RABL6: variants seen among roughly 807,000 people sequenced by gnomAD.
RABL6 encodes rab-like protein 6.
RABL6 carries 28 observed loss-of-function variants against 72.9 expected under a neutral mutation model. The observed-to-expected ratio is 0.38, with a 90% CI of 0.28 to 0.53. The LOEUF is 0.53. Ranked by LOEUF, RABL6 falls within the 20% of genes least tolerant of loss-of-function variation. The pLI is 0.80. For synonymous variants in RABL6, 477 were observed against 421.2 expected, an observed-to-expected ratio of 1.13 and a Z score of -1.62; for missense variants, 1,029 against 1,008.4, an observed-to-expected ratio of 1.02 and a Z score of -0.28.
chr9:136,836,950 C>T (rs551713543), intron 8 of RABL6: 44 of 361,364 alleles, frequency 1.2e-4, no homozygotes, highest in Admixed American at 5.1e-4. Context: ...CTCGGCTCAC[C>T]GCAAGCTCCG....
intron 1 of RABL6, chr9:136,808,726 C>T (rs563649976): frequency 6.5e-6 from 1 of 153,376 alleles, no homozygotes; most frequent in African/African-American, 2.4e-5. Flanking sequence ...GCACCACTCA[C>T]CTGCAGGAGG....
intron 10 of RABL6, among the ~76,000 whole-genome samples, chr9:136,838,674 C>T (rs977488311): frequency 6.6e-6 from 1 of 152,206 alleles, no homozygotes; most frequent in Non-Finnish European, 1.5e-5. Context: ...GGCTCCACAT[C>T]CTTCACCCAC....
intron 3 of RABL6, 60 bp from the exon 4 acceptor site, chr9:136,828,434 C>T (rs546566272): frequency 1.9e-6 from 3 of 1,568,586 alleles, no homozygotes; most frequent in African/African-American, 1.4e-5. Flanking sequence ...GGACCATGCT[C>T]CTCCTATGGC....
At chr9:136,834,084 C>G in intron 7 of RABL6, 1 of 1,405,774 alleles carries the variant, frequency 7.1e-7, no homozygotes, top group African/African-American at 1.4e-5. Context: ...TGTGTTCAAG[C>G]AGATCTGATG....
chr9:136,835,881 G>A lies in RABL6; in HGVS notation c.809+36G>A, dbSNP rs1403499453. The A allele has an allele frequency of 3.3e-6, 5 of 1,537,122 alleles. No homozygotes were observed. The East Asian group carries it at 7.3e-5, about 23-fold the overall frequency. The stretch of plus-strand genomic sequence containing the variant: ...GGACCCGCCCGTGCGGGCGGTGTGG[G>A]GGCTGCGGGCGTGGCCGTGGTGCAG... On this transcript the variant is annotated intron_variant, in intron 8 of 14. Transcript: ENST00000311502.
chr9:136,812,470 A>T (rs965448369), intron 1 of RABL6, among the ~76,000 whole-genome samples: 23 of 152,174 alleles, frequency 1.5e-4, no homozygotes, highest in African/African-American at 5.6e-4. Flanking sequence ...GAGGCAGGAG[A>T]ATCGCTTGAA....
rs780647199 is a variant in RABL6, at chr9:136,838,897, C to A, written c.1281-12C>A. On this transcript the variant is annotated splice_polypyrimidine_tract_variant and intron_variant, in intron 10 of 14. Transcript: ENST00000311502. ...CCCGTGGCCCTTGACCGCTTTGCCC[C>A]CTGCTTTGCAGTGATGGGGAGGCCC... 1.3e-6 allele frequency: 2 copies of A among 1,560,090 alleles called. No individual in the cohort carries two copies. Among genetic ancestry groups the A allele is most frequent in the South Asian group, 2.4e-5 (2 of 84,474 alleles).
Position 136,808,017 on chromosome 9 carries a change from G to C in RABL6, c.-180G>C, listed in dbSNP as rs999623269. 1.1e-5 allele frequency: 11 copies of C among 1,035,948 alleles called. No individual in the cohort carries two copies. The Admixed American group carries it at 1.7e-4, about 16-fold the overall frequency. 64.2% of individuals were successfully genotyped at this position (1,035,948 alleles called of 1,614,324 possible). ...CGGGGGCCGGAGCGGAGCAGCCGCG[G>C]CTGAGGTTCCCGAGTCGCCGCTCGG... On this transcript the variant is annotated 5_prime_UTR_variant, in exon 1 of 15. Transcript: ENST00000311502.
intron 1 of RABL6, among the ~76,000 whole-genome samples, chr9:136,810,968 T>C (rs1847999224): frequency 6.6e-6 from 1 of 152,230 alleles, no homozygotes; most frequent in African/African-American, 2.4e-5. Flanking sequence ...GTCTGGGCTC[T>C]CCTCCTGGGC....
In RABL6 at chr9:136,837,960, C is replaced by G; in HGVS notation, c.1225C>G (p.Pro409Ala). 6.4e-7 allele frequency: 1 copy of G among 1,568,084 alleles called. No homozygotes were observed. The highest frequency in any genetic ancestry group is 8.6e-7 in the Non-Finnish European group (1 of 1,157,286). Residue 409 changes from proline (P) to alanine (A), a missense_variant, in exon 10 of 15, where the codon CCC becomes GCC. Pro to Ala is a conservative substitution (Grantham distance 27). Transcript: ENST00000311502. ...LDRSFLEDTT[P>A]ARDEKKVGAK... ...CCGCAGCTTCCTGGAAGACACAACC[C>G]CCGCCAGGGACGAGAAGAAGGTGGG... is the stretch of plus-strand genomic sequence containing the variant.
At chr9:136,811,444 C>T (rs1430059026) in intron 1 of RABL6, among the ~76,000 whole-genome samples, 1 of 151,844 alleles carries the variant, frequency 6.6e-6, no homozygotes, top group African/African-American at 2.4e-5. Context: ...ATGTCGAAAC[C>T]CCGTCTCTAC....
chr9:136,820,857 A>G (rs1409222773), intron 1 of RABL6, among the ~76,000 whole-genome samples: 1 of 152,182 alleles, frequency 6.6e-6, no homozygotes, highest in Non-Finnish European at 1.5e-5. Flanking sequence ...ATTCAAGGAA[A>G]AGTGCGGCCA....
chr9:136,826,060 C>T lies in RABL6; in HGVS notation c.313+234C>T, dbSNP rs1047560421. Among the ~76,000 whole-genome samples, 3 of 152,196 alleles carry T rather than the reference C, an allele frequency of 2.0e-5. No homozygotes were observed. Among genetic ancestry groups the T allele is most frequent in the South Asian group, 2.1e-4 (1 of 4,834 alleles). On this transcript the variant is annotated intron_variant, in intron 3 of 14. Coordinates refer to ENST00000311502, the MANE Select transcript of RABL6 (RefSeq NM_024718.5). The surrounding 1 kb of genome is among the most constrained non-coding windows in gnomAD (Gnocchi z 4.9). Reference sequence around the variant, plus strand: ...AGCATACTCCCCGTCTCTGAGTGACCGCGTGCACGGTGGCGGCAGGTGCAG... The same window carrying T: ...AGCATACTCCCCGTCTCTGAGTGACTGCGTGCACGGTGGCGGCAGGTGCAG...
chr9:136,837,419 C>G lies in RABL6; in HGVS notation c.883C>G (p.Pro295Ala). The G allele has an allele frequency of 1.3e-6, 2 of 1,586,256 alleles. No individual in the cohort carries two copies. Among genetic ancestry groups the G allele is most frequent in the South Asian group, 2.3e-5 (2 of 87,406 alleles). The stretch of plus-strand genomic sequence containing the variant: ...GGCGGCCAACGGGCAGAGCCCATCC[C>G]CGGGCTCCCAGTCACCAGTGGTGCC... ...PLAANGQSPS[P>A]GSQSPVVPAG... Residue 295 changes from proline (P) to alanine (A), a missense_variant, in exon 9 of 15, where the codon CCG becomes GCG. By Grantham distance (27) the Pro-to-Ala change is conservative. Coordinates refer to ENST00000311502, the MANE Select transcript of RABL6 (RefSeq NM_024718.5).
rs552720128 is a variant in RABL6, at chr9:136,832,174, C to A, written c.600-91C>A. 2.5e-6 allele frequency: 3 copies of A among 1,193,486 alleles called. No homozygotes were observed. In the South Asian group the frequency reaches 3.9e-5, roughly 16 times the overall value. 73.9% of individuals were successfully genotyped at this position (1,193,486 alleles called of 1,614,324 possible). On this transcript the variant is annotated intron_variant, in intron 6 of 14. Transcript: ENST00000311502. Reference sequence around the variant, plus strand: ...CAGGAGCCTGCAGGAGGAGGGAGGGCAGTGCGGACCCACAGCTGTGGGCCC... The same window carrying A: ...CAGGAGCCTGCAGGAGGAGGGAGGGAAGTGCGGACCCACAGCTGTGGGCCC...
At chr9:136,833,999 A>G (rs926226709) in intron 7 of RABL6, 7 of 1,507,686 alleles carry the variant, frequency 4.6e-6, no homozygotes, top group Admixed American at 2.1e-5. Context: ...TCCCAGGGAG[A>G]GAACGGGACC....
intron 7 of RABL6, among the ~76,000 whole-genome samples, chr9:136,834,658 T>C (rs1343384258): frequency 1.3e-5 from 2 of 152,132 alleles, no homozygotes; most frequent in Non-Finnish European, 2.9e-5. Context: ...TTTGTATTTT[T>C]AGTAGGGACG....
chr9:136,823,087 CAA>C (rs11296242), intron 1 of RABL6, among the ~76,000 whole-genome samples: 329 of 122,706 alleles, frequency 2.7e-3, no homozygotes, highest in African/African-American at 2.5e-3. Flanking sequence ...GACTCCGTCT[CAA>C]AAAAAAAAAA....
At chr9:136,829,282 TG>T in intron 4 of RABL6, 110 bp from the exon 5 acceptor site, 1 of 817,616 alleles carries the variant, frequency 1.2e-6, no homozygotes. Flanking sequence ...CAAATGGAAA[TG>T]GCTGTTATCT....
Sources: gnomAD v4.1 joint callset for allele counts (sites outside exome capture counted in the v4.1 genomes callset) on GRCh38, gnomAD v4.1.1 for gene constraint, Gnocchi (gnomAD v3.1) non-coding constraint, MANE v1.5 for transcripts, NCBI Gene and HGNC (gene_info 2026-07-23, HGNC 2026-07-21) for gene names.